GRM7: variants seen among roughly 807,000 people sequenced by gnomAD.
GRM7 encodes the protein metabotropic glutamate receptor 7.
A neutral mutation model predicts 84.5 loss-of-function variants in GRM7; 35 were observed. The observed-to-expected ratio is 0.41, with a 90% CI of 0.32 to 0.55. The LOEUF is 0.55. Among genes scored for constraint, GRM7 ranks in the 20% least tolerant of loss-of-function variants. The probability of loss-of-function intolerance (pLI) is 0.19; values close to 1 mark genes in which losing one functional copy is unlikely to be tolerated. For synonymous variants in GRM7, 487 were observed against 455.1 expected (o/e 1.07, Z -0.89); for missense variants, 1,003 against 1,194.6 (o/e 0.84, Z 2.36).
intron 7 of GRM7, among the ~76,000 whole-genome samples, chr3:7,494,790 G>T (rs1025134621): frequency 1.6e-4 from 24 of 152,142 alleles, no homozygotes; most frequent in African/African-American, 5.8e-4. Context: ...TTTTCACTGG[G>T]TTCTTTTTCA....
intron 5 of GRM7, among the ~76,000 whole-genome samples, chr3:7,415,628 A>C (rs995502957): frequency 2.0e-5 from 3 of 152,190 alleles, no homozygotes; most frequent in African/African-American, 7.2e-5. Flanking sequence ...TATTATTTAA[A>C]ATATTCACGG....
At chr3:7,580,184 C>A (rs540291238) in intron 8 of GRM7, among the ~76,000 whole-genome samples, 1 of 152,320 alleles carries the variant, frequency 6.6e-6, no homozygotes, top group African/African-American at 2.4e-5. Context: ...CCTATACTCA[C>A]CCACGTGGCT....
chr3:7,624,552 C>A (rs1697515047), intron 8 of GRM7, among the ~76,000 whole-genome samples: 1 of 152,114 alleles, frequency 6.6e-6, no homozygotes, highest in Non-Finnish European at 1.5e-5. Context: ...CCAGACACTA[C>A]AAAATTGTAA....
At chr3:7,337,317 A>T (rs1271860549) in intron 4 of GRM7, among the ~76,000 whole-genome samples, 1 of 152,178 alleles carries the variant, frequency 6.6e-6, no homozygotes, top group Non-Finnish European at 1.5e-5. Flanking sequence ...ATTCTAGAAG[A>T]TAACATAAGA....
chr3:6,876,599 A>T (rs1191453820), intron 1 of GRM7, among the ~76,000 whole-genome samples: 11 of 124,140 alleles, frequency 8.9e-5, no homozygotes, highest in Non-Finnish European at 1.3e-4. Flanking sequence ...TTTACCACTA[A>T]TTTTTTTTTT....
intron 2 of GRM7, among the ~76,000 whole-genome samples, chr3:7,219,273 C>CTATT (rs34657444): frequency 0.71 from 107,548 of 151,524 alleles, 39,996 homozygotes; most frequent in African/African-American, 0.92. Flanking sequence ...ACACGTCTAA[C>CTATT]CATTCATTTA....
At chr3:7,349,526 C>T (rs1413952622) in intron 4 of GRM7, among the ~76,000 whole-genome samples, 2 of 152,124 alleles carry the variant, frequency 1.3e-5, no homozygotes, top group Admixed American at 6.6e-5. Flanking sequence ...TATATTTTAA[C>T]TTGTGGTGTC....
intron 5 of GRM7, among the ~76,000 whole-genome samples, chr3:7,415,859 T>A (rs1467051973): frequency 6.6e-6 from 1 of 152,122 alleles, no homozygotes; most frequent in East Asian, 1.9e-4. Flanking sequence ...ATTCCAGTGA[T>A]CTCACGAACG....
chr3:7,483,800 A>G (rs1252844627), intron 7 of GRM7, among the ~76,000 whole-genome samples: 1 of 151,940 alleles, frequency 6.6e-6, no homozygotes, highest in Admixed American at 6.6e-5. Context: ...TATATATGTT[A>G]TATATATTGT....
intron 8 of GRM7, among the ~76,000 whole-genome samples, chr3:7,664,192 C>T (rs1048853069): frequency 6.6e-6 from 1 of 152,166 alleles, no homozygotes; most frequent in East Asian, 1.9e-4. Flanking sequence ...CTATGGAGTT[C>T]AGTGTTCCTC....
intron 1 of GRM7, chr3:6,892,529 C>T (rs995884727): frequency 6.6e-6 from 1 of 152,192 alleles, no homozygotes; most frequent in Non-Finnish European, 1.5e-5. Context: ...TTGATATCCA[C>T]CTACATATCC....
intron 1 of GRM7, among the ~76,000 whole-genome samples, chr3:6,984,773 T>A (rs1483894736): frequency 6.6e-6 from 1 of 152,188 alleles, no homozygotes; most frequent in Non-Finnish European, 1.5e-5. Flanking sequence ...CAGAGTTTCC[T>A]GAAAAATTAG....
intron 2 of GRM7, among the ~76,000 whole-genome samples, chr3:7,251,537 A>C (rs567858849): frequency 5.3e-5 from 8 of 152,302 alleles, no homozygotes; most frequent in African/African-American, 1.7e-4. Context: ...CTATAATAGC[A>C]TAGGTAGTAG....
intron 2 of GRM7, among the ~76,000 whole-genome samples, chr3:7,192,633 C>T (rs1051965240): frequency 1.3e-5 from 2 of 152,050 alleles, no homozygotes; most frequent in African/African-American, 4.8e-5. Context: ...CCTTCAGTTC[C>T]GATTTGTCCC....
chr3:7,582,460 G>T (rs1230057352), intron 8 of GRM7, among the ~76,000 whole-genome samples: 1 of 152,108 alleles, frequency 6.6e-6, no homozygotes, highest in African/African-American at 2.4e-5. Flanking sequence ...CAAGGAATGG[G>T]ATCATAAGTT....
chr3:6,930,894 C>T (rs1183002182), intron 1 of GRM7, among the ~76,000 whole-genome samples: 1 of 152,164 alleles, frequency 6.6e-6, no homozygotes, highest in Non-Finnish European at 1.5e-5. Context: ...TATTAAAGGA[C>T]ACTCAATGCT....
chr3:7,502,492 G>C (rs947087443), intron 7 of GRM7, among the ~76,000 whole-genome samples: 1 of 152,006 alleles, frequency 6.6e-6, no homozygotes, highest in Admixed American at 6.5e-5. Flanking sequence ...CCAAGTCTAA[G>C]AACAAAATCA....
intron 1 of GRM7, among the ~76,000 whole-genome samples, chr3:6,968,551 C>A (rs1341101994): frequency 2.6e-4 from 39 of 152,148 alleles, no homozygotes; most frequent in Non-Finnish European, 5.9e-5. Flanking sequence ...ACTTAAAATG[C>A]TTATTGCAAC....
intron 8 of GRM7, among the ~76,000 whole-genome samples, chr3:7,654,189 C>G (rs897598127): frequency 6.6e-6 from 1 of 152,116 alleles, no homozygotes; most frequent in Non-Finnish European, 1.5e-5. Context: ...TGAAAAAGAC[C>G]TTTGCGCAAG....
Sources: allele counts gnomAD v4.1 joint callset (sites outside exome capture counted in the v4.1 genomes callset), GRCh38; gene constraint gnomAD v4.1.1; transcripts MANE v1.5; gene names NCBI Gene and HGNC (gene_info 2026-07-23, HGNC 2026-07-21).